NFYA: variants seen among roughly 807,000 people sequenced by gnomAD.
NFYA encodes the protein nuclear transcription factor Y subunit alpha.
In NFYA, 28 loss-of-function variants were observed where a neutral mutation model predicts 52.8. That is an observed-to-expected ratio of 0.53 (90% CI 0.39 to 0.73). NFYA has a LOEUF of 0.73. Among genes scored for constraint, NFYA ranks in the 30% least tolerant of loss-of-function variants. The probability of loss-of-function intolerance (pLI) is 0.00; values close to 1 mark genes in which losing one functional copy is unlikely to be tolerated. For missense variants in NFYA, 234 were observed against 427.0 expected (o/e 0.55, Z 3.98); for synonymous variants, 150 against 150.7 (o/e 1.00, Z 0.03).
At chr6:41,077,303 C>A (rs1763762777) in intron 1 of NFYA, among the ~76,000 whole-genome samples, 1 of 152,052 alleles carries the variant, frequency 6.6e-6, no homozygotes, top group African/African-American at 2.4e-5. Context: ...AATTTGTACA[C>A]CTGTGCAACT....
intron 4 of NFYA, among the ~76,000 whole-genome samples, chr6:41,084,808 A>C (rs1010725161): frequency 5.9e-5 from 9 of 152,172 alleles, no homozygotes; most frequent in Admixed American, 6.6e-5. Flanking sequence ...ACTAAAAATA[A>C]AAAATTAGCC....
At chr6:41,073,996 C>T (rs1763647525) in intron 1 of NFYA, among the ~76,000 whole-genome samples, 1 of 151,516 alleles carries the variant, frequency 6.6e-6, no homozygotes, top group Admixed American at 6.6e-5. Flanking sequence ...AGATTGATAC[C>T]CTTGCGCATT....
intron 1 of NFYA, among the ~76,000 whole-genome samples, chr6:41,074,986 A>C (rs1330501180): frequency 6.6e-6 from 1 of 151,482 alleles, no homozygotes; most frequent in African/African-American, 2.4e-5. Flanking sequence ...TACAACTAAT[A>C]GGTTTCAGAA....
chr6:41,094,399 T>TA lies in NFYA; in HGVS notation c.893dup (p.Tyr298Ter). 1 of 1,614,058 alleles carries TA rather than the reference T, an allele frequency of 6.2e-7. No individual in the cohort carries two copies. The highest frequency in any genetic ancestry group is 8.5e-7 in the Non-Finnish European group (1 of 1,179,866). Reference protein sequence around the residue: ...EGKIPKERRKYLHESRHRHAM... With the variant: ...EGKIPKERRK ...ATGGTTTTATTTCTCGTTTTAGAAA[T>TA]ACCTGCATGAGTCTCGGCACCGTCA... The change falls in exon 9 of 10, where the codon TAC becomes TAAC. Residue 298 changes from tyrosine (Y) to a stop codon, truncating the protein, a stop_gained and frameshift_variant. Transcript: ENST00000341376. LOFTEE classifies it high-confidence loss of function.
In NFYA at chr6:41,091,589, T is replaced by C. The variant is rs1357699536; in HGVS notation, c.609T>C (p.Ile203=). 1 of 1,614,208 alleles carries C rather than the reference T, an allele frequency of 6.2e-7. No individual in the cohort carries two copies. The highest frequency in any genetic ancestry group is 1.7e-5 in the Admixed American group (1 of 60,034). The change falls in exon 7 of 10, where the codon ATT becomes ATC. Residue 203 remains isoleucine (I), a synonymous_variant. Transcript: ENST00000341376. The part of the protein sequence containing the change: ...IPAASLAGAQ[I]VQTGANTNTT... ...CAGCCAGTTTGGCAGGAGCACAGATTGTTCAAACAGGAGCCAATACCAACA... is the reference window on the plus strand; with the variant it reads ...CAGCCAGTTTGGCAGGAGCACAGATCGTTCAAACAGGAGCCAATACCAACA...
intron 6 of NFYA, 151 bp downstream of exon 6, chr6:41,090,460 G>A: frequency 3.6e-6 from 2 of 559,228 alleles, no homozygotes; most frequent in Non-Finnish European, 6.6e-6. Context: ...TCCATTGATT[G>A]TTGGTTTCTT....
In NFYA at chr6:41,080,808, C is replaced by T. The variant is rs1490910000; in HGVS notation, c.76-3C>T. 1.2e-6 allele frequency: 2 copies of T among 1,612,662 alleles called. No individual in the cohort carries two copies. The highest frequency in any genetic ancestry group is 3.3e-5 in the Admixed American group (2 of 60,006). On this transcript the variant is annotated splice_region_variant and splice_polypyrimidine_tract_variant and intron_variant, in intron 2 of 9. Coordinates refer to ENST00000341376, the MANE Select transcript of NFYA (RefSeq NM_002505.5). ...TTCAAGCTCTTCCTGTTCCTGTTCT[C>T]AGCAGCAGGGTGGTGTCACTGCTGT... is the stretch of plus-strand genomic sequence containing the variant.
intron 9 of NFYA, among the ~76,000 whole-genome samples, chr6:41,095,591 C>T (rs188210163): frequency 1.3e-5 from 2 of 152,192 alleles, no homozygotes; most frequent in East Asian, 3.9e-4. Context: ...CCACCATGCC[C>T]AGCTAATTTT....
chr6:41,089,562 T>TA lies in NFYA; in HGVS notation c.310-16dup. 1 of 1,596,022 alleles carries TA rather than the reference T, an allele frequency of 6.3e-7. No individual in the cohort carries two copies. The highest frequency in any genetic ancestry group is 8.5e-7 in the Non-Finnish European group (1 of 1,172,220). On this transcript the variant is annotated splice_polypyrimidine_tract_variant and intron_variant, in intron 4 of 9. Transcript: ENST00000341376. ...TGTCAGTAGAGTACAATCCTTTTTT[T>TA]ATGTTCTTTTCTGCAGATACAGTTG... is the stretch of plus-strand genomic sequence containing the variant.
At chr6:41,079,993 C>T (rs1251630437) in intron 2 of NFYA, among the ~76,000 whole-genome samples, 1 of 152,196 alleles carries the variant, frequency 6.6e-6, no homozygotes, top group Non-Finnish European at 1.5e-5. Context: ...TTTCCTTCAA[C>T]TGCCTTTTTA....
At chr6:41,096,397 C>T (rs1323145142) in intron 9 of NFYA, among the ~76,000 whole-genome samples, 2 of 152,222 alleles carry the variant, frequency 1.3e-5, no homozygotes, top group Admixed American at 1.3e-4. Context: ...GAACTCTCCT[C>T]ATTCTGTGTG....
At chr6:41,074,933 C>T (rs1459331987) in intron 1 of NFYA, among the ~76,000 whole-genome samples, 1 of 152,138 alleles carries the variant, frequency 6.6e-6, no homozygotes, top group Non-Finnish European at 1.5e-5. Flanking sequence ...ACATAAAGGT[C>T]TTAAGTATCT....
intron 1 of NFYA, among the ~76,000 whole-genome samples, chr6:41,074,047 C>T (rs1763652113): frequency 1.3e-5 from 2 of 152,218 alleles, no homozygotes; most frequent in African/African-American, 4.8e-5. Flanking sequence ...TATTACTAAT[C>T]TTATCCACTG....
At chr6:41,089,552 A>G (rs1162099955) in intron 4 of NFYA, 27 bp from the exon 5 acceptor site, 3 of 1,589,892 alleles carry the variant, frequency 1.9e-6, no homozygotes, top group East Asian at 2.3e-5. Flanking sequence ...GTAGAGTACA[A>G]TCCTTTTTTT....
At chr6:41,084,966 AAAAG>A (rs1203528071) in intron 4 of NFYA, among the ~76,000 whole-genome samples, 1 of 152,260 alleles carries the variant, frequency 6.6e-6, no homozygotes, top group Admixed American at 6.5e-5. Context: ...GTCTCAAAAA[AAAAG>A]AAGAGATTAA....
intron 1 of NFYA, among the ~76,000 whole-genome samples, chr6:41,074,147 A>T (rs1035597312): frequency 3.3e-5 from 5 of 151,634 alleles, no homozygotes; most frequent in Non-Finnish European, 7.4e-5. Context: ...TTTCTATGTT[A>T]CTTTGTGTCA....
In NFYA at chr6:41,094,456, C is replaced by T; in HGVS notation, c.949C>T (p.Arg317Ter). 2 of 1,614,084 alleles carry T rather than the reference C, an allele frequency of 1.2e-6. No homozygotes were observed. The highest frequency in any genetic ancestry group is 8.5e-7 in the Non-Finnish European group (1 of 1,179,994). ...AMARKRGEGG[R>*]FFSPKEKDSP... ...GGCACGGAAGCGTGGTGAAGGTGGA[C>T]GATTTTTCTCTCCAAAGGAAAAGGA... The change falls in exon 9 of 10, where the codon CGA (arginine) becomes TGA (stop). Residue 317 changes from arginine (R) to a stop codon, truncating the protein, a stop_gained. Coordinates refer to ENST00000341376, the MANE Select transcript of NFYA (RefSeq NM_002505.5). LOFTEE classifies it high-confidence loss of function.
chr6:41,088,195 G>T (rs1321564546), intron 4 of NFYA, among the ~76,000 whole-genome samples: 1 of 151,960 alleles, frequency 6.6e-6, no homozygotes, highest in Non-Finnish European at 1.5e-5. Context: ...GAGGCGGGTG[G>T]ATCACAAGGT....
rs1582021172 is a variant in NFYA, at chr6:41,077,798, A to G, written c.-61-1231A>G. On this transcript the variant is annotated intron_variant, in intron 1 of 9. Transcript: ENST00000341376. ...TAGAAATTTACCTAGCGAGCATTCC[A>G]TTAGATCAAGGGCAGTGCTTTGGAG... is the stretch of plus-strand genomic sequence containing the variant. Among the ~76,000 whole-genome samples the G allele has an allele frequency of 2.0e-5, 3 of 152,186 alleles. No individual in the cohort carries two copies. The South Asian group carries it at 6.2e-4, about 31-fold the overall frequency.
Sources: gnomAD v4.1 joint callset for allele counts (sites outside exome capture counted in the v4.1 genomes callset) on GRCh38, gnomAD v4.1.1 for gene constraint, MANE v1.5 for transcripts, NCBI Gene and HGNC (gene_info 2026-07-23, HGNC 2026-07-21) for gene names.